Variants in ITGA2 observed in about 807,000 individuals in gnomAD.
The protein encoded by ITGA2 is integrin subunit alpha 2.
In ITGA2, 101 loss-of-function variants were observed where a neutral mutation model predicts 146.3. The observed-to-expected ratio is 0.69, with a 90% CI of 0.59 to 0.81. The LOEUF (loss-of-function observed/expected upper bound fraction) is 0.81. Among genes scored for constraint, ITGA2 ranks in the 40% least tolerant of loss-of-function variants. The pLI, the probability that ITGA2 is intolerant of heterozygous loss-of-function variation, is 0.00. For synonymous variants in ITGA2, 477 were observed against 487.1 expected, an observed-to-expected ratio of 0.98 and a Z score of 0.27; for missense variants, 1,281 against 1,402.7, an observed-to-expected ratio of 0.91 and a Z score of 1.39.
chr5:52,990,356 A>G (rs1274771954), intron 1 of ITGA2: 1 of 152,330 alleles, frequency 6.6e-6, no homozygotes, highest in African/African-American at 2.4e-5. Context: ...GTTCTTTTAC[A>G]CTAAGAGGAG....
intron 27 of ITGA2, among the ~76,000 whole-genome samples, chr5:53,084,505 G>A (rs182254876): frequency 3.9e-4 from 60 of 152,274 alleles, no homozygotes; most frequent in Admixed American, 3.5e-3. Flanking sequence ...GAAGAAAACG[G>A]AATAGTAAAA....
chr5:53,089,296 CTAAT>C (rs1740292355), intron 28 of ITGA2: 1 of 151,978 alleles, frequency 6.6e-6, no homozygotes, highest in Non-Finnish European at 1.5e-5. Flanking sequence ...TAAATTTCCC[CTAAT>C]TAATTAAAAA....
At chr5:52,990,157 G>A (rs1255141074) in intron 1 of ITGA2, 1 of 153,976 alleles carries the variant, frequency 6.5e-6, no homozygotes, top group African/African-American at 2.4e-5. Flanking sequence ...TTAAATACTT[G>A]GCAGAGGGGA....
chr5:53,069,065 T>A (rs1745269241), intron 16 of ITGA2, among the ~76,000 whole-genome samples: 1 of 151,898 alleles, frequency 6.6e-6, no homozygotes, highest in African/African-American at 2.4e-5. Context: ...ATGATAGATT[T>A]TTTTCAAGGT....
intron 1 of ITGA2, among the ~76,000 whole-genome samples, chr5:52,990,720 G>C (rs997866197): frequency 3.3e-5 from 5 of 152,030 alleles, no homozygotes; most frequent in African/African-American, 1.2e-4. Flanking sequence ...AGAGATAAGA[G>C]AGAAATAGCA....
chr5:53,080,696 C>A, intron 25 of ITGA2, 75 bp downstream of exon 25: 1 of 1,089,006 alleles, frequency 9.2e-7, no homozygotes, highest in Non-Finnish European at 1.4e-6. Context: ...GTGATCATGT[C>A]TGACATTTTA....
intron 2 of ITGA2, among the ~76,000 whole-genome samples, chr5:53,035,762 C>T (rs894858894): frequency 8.6e-5 from 13 of 151,982 alleles, no homozygotes; most frequent in African/African-American, 2.9e-4. Context: ...TTGTGTTGTC[C>T]GTGGCCTGGA....
intron 10 of ITGA2, among the ~76,000 whole-genome samples, chr5:53,058,925 C>T (rs763563884): frequency 6.6e-6 from 1 of 151,910 alleles, no homozygotes; most frequent in Non-Finnish European, 1.5e-5. Context: ...TTTGTACATA[C>T]GCTGAAGTCC....
chr5:53,089,076 A>T (rs193226141), intron 28 of ITGA2: 52 of 152,234 alleles, frequency 3.4e-4, no homozygotes, highest in African/African-American at 1.2e-3. Context: ...TAGCTCTTGA[A>T]GATACAAATG....
At chr5:53,074,512 G>GC (rs747278016) in intron 21 of ITGA2, 35 bp downstream of exon 21, 1 of 1,472,552 alleles carries the variant, frequency 6.8e-7, no homozygotes, top group South Asian at 1.1e-5. Flanking sequence ...ATCCATACAA[G>GC]CCCTCCTTAG....
At chr5:53,075,349 A>G (rs1404001143) in intron 23 of ITGA2, 45 bp downstream of exon 23, 1 of 1,489,926 alleles carries the variant, frequency 6.7e-7, no homozygotes, top group Non-Finnish European at 9.4e-7. Context: ...CACCAACTCT[A>G]GATCAGAAGA....
At chr5:53,080,886 C>T (rs1401661155) in intron 25 of ITGA2, among the ~76,000 whole-genome samples, 4 of 152,048 alleles carry the variant, frequency 2.6e-5, no homozygotes, top group Admixed American at 1.3e-4. Context: ...TTTGACAGGC[C>T]CTGTGAAGGC....
chr5:53,033,693 G>A (rs1743349428), intron 2 of ITGA2, among the ~76,000 whole-genome samples: 1 of 151,926 alleles, frequency 6.6e-6, no homozygotes, highest in African/African-American at 2.4e-5. Context: ...TGCCTCCTGG[G>A]TTCAAGTGAT....
At position 53,065,050 on chromosome 5, in the gene ITGA2, C is replaced by A. The variant is rs758573080; in HGVS notation, c.1741C>A (p.Gln581Lys). Reference sequence around the variant, plus strand: ...GATTGTTGGTTCACCACTAGAAAATCAGAATTCTGGAGCTGTATACATTTA... The same window carrying A: ...GATTGTTGGTTCACCACTAGAAAATAAGAATTCTGGAGCTGTATACATTTA... ...DVIVGSPLENQNSGAVYIYNG... is the reference protein window; with the variant it reads ...DVIVGSPLENKNSGAVYIYNG... The change falls in exon 14 of 30, where the codon CAG (glutamine) becomes AAG (lysine). Residue 581 changes from glutamine (Q) to lysine (K), a missense_variant. By Grantham distance (53) the Gln-to-Lys change is moderately conservative (BLOSUM62 1). This residue lies in a region of ITGA2 where 795 missense variants were observed against 841.7 expected (regional missense o/e 0.94). Transcript: ENST00000296585. 44 of 1,612,792 alleles carry A rather than the reference C, an allele frequency of 2.7e-5. No homozygotes were observed. The highest frequency in any genetic ancestry group is 1.7e-4 in the Middle Eastern group (1 of 6,052).
Position 53,090,616 on chromosome 5 carries a change from G to A in ITGA2, c.*17G>A, listed in dbSNP as rs1322992729. The A allele has an allele frequency of 6.2e-7, 1 of 1,601,808 alleles. No homozygotes were observed. The highest frequency in any genetic ancestry group is 1.1e-5 in the South Asian group (1 of 90,834). On this transcript the variant is annotated 3_prime_UTR_variant, in exon 30 of 30. Coordinates refer to ENST00000296585, the MANE Select transcript of ITGA2 (RefSeq NM_002203.4). ...AGTAGCTGAACCAGCAGACCTACCTGCAGTGGGAACCGGCAGCATCCCAGC... is the reference window on the plus strand; with the variant it reads ...AGTAGCTGAACCAGCAGACCTACCTACAGTGGGAACCGGCAGCATCCCAGC...
intron 1 of ITGA2, among the ~76,000 whole-genome samples, chr5:53,000,035 A>G (rs1483028365): frequency 6.6e-6 from 1 of 152,186 alleles, no homozygotes; most frequent in African/African-American, 2.4e-5. Flanking sequence ...TAAATATACC[A>G]TCTACACTCA....
At chr5:53,085,067 C>T (rs1043256981) in intron 27 of ITGA2, among the ~76,000 whole-genome samples, 7 of 152,330 alleles carry the variant, frequency 4.6e-5, no homozygotes, top group Middle Eastern at 3.4e-3. Flanking sequence ...TACATATCTT[C>T]CTCCTTCATG....
At position 53,089,825 on chromosome 5, in the gene ITGA2, C is replaced by T; in HGVS notation, c.3349-121C>T. 4.0e-6 allele frequency: 3 copies of T among 752,806 alleles called. No homozygotes were observed. In the South Asian group the frequency reaches 4.3e-5, roughly 11 times the overall value. The allele number at this position is 752,806 out of a possible 1,614,324, so 46.6% of individuals were successfully genotyped here. A position where few individuals can be genotyped will look rare whatever the true frequency, so the allele number is the denominator to read the frequency against. On this transcript the variant is annotated intron_variant, in intron 28 of 29. Transcript: ENST00000296585. ...AATGTTTGAGATACGCCATCATGAGCAAGTCTTGTCACCTTTCTAGAGCTG... is the reference window on the plus strand; with the variant it reads ...AATGTTTGAGATACGCCATCATGAGTAAGTCTTGTCACCTTTCTAGAGCTG...
chr5:53,018,262 G>A (rs1742496416), intron 1 of ITGA2, among the ~76,000 whole-genome samples: 4 of 152,186 alleles, frequency 2.6e-5, no homozygotes, highest in Admixed American at 2.0e-4. Flanking sequence ...TTCTGCTGTT[G>A]TTAAATCCTC....
Sources: allele counts gnomAD v4.1 joint callset (sites outside exome capture counted in the v4.1 genomes callset), GRCh38; gene constraint gnomAD v4.1.1; regional missense constraint gnomAD v4.1.1; transcripts MANE v1.5; gene names NCBI Gene and HGNC (gene_info 2026-07-23, HGNC 2026-07-21).